ZNF717: variants seen among roughly 807,000 people sequenced by gnomAD.
The protein encoded by ZNF717 is krueppel-like factor X17.
Under a neutral mutation model 13.8 loss-of-function variants are expected in ZNF717, and 9 were observed. The observed-to-expected ratio is 0.65, with a 90% CI of 0.39 to 1.14. The LOEUF (loss-of-function observed/expected upper bound fraction) is 1.14, where lower values mean the gene tolerates loss of function less well. Among genes scored for constraint, ZNF717 ranks in the 50% most tolerant of loss-of-function variants. ZNF717 has a pLI of 0.01. For synonymous variants in ZNF717, 327 were observed against 364.1 expected (o/e 0.90, Z 1.16); for missense variants, 1,040 against 1,080.7 (o/e 0.96, Z 0.53).
intron 2 of ZNF717, among the ~76,000 whole-genome samples, chr3:75,754,191 T>C (rs940908973): frequency 3.3e-5 from 5 of 152,256 alleles, no homozygotes; most frequent in East Asian, 1.9e-4. Context: ...AATTACTCAG[T>C]CTAAAGTATT....
intron 5 of ZNF717, among the ~76,000 whole-genome samples, chr3:75,713,772 A>G (rs3009064): frequency 6.6e-6 from 1 of 151,818 alleles, no homozygotes; most frequent in Admixed American, 6.5e-5. Flanking sequence ...AAGAAAAGAC[A>G]GCTGGGCCCA....
At chr3:75,783,404 T>C (rs967549158) in intron 1 of ZNF717, 40 bp from the exon 2 acceptor site, 37 of 1,472,956 alleles carry the variant, frequency 2.5e-5, no homozygotes, top group Non-Finnish European at 3.2e-5. Flanking sequence ...AGGAGAGAAC[T>C]GGTGTGGTGT....
intron 4 of ZNF717, among the ~76,000 whole-genome samples, chr3:75,740,929 A>T (rs1414498606): frequency 6.7e-5 from 10 of 150,272 alleles, no homozygotes; most frequent in African/African-American, 2.0e-4. Context: ...CTTAAGATAC[A>T]TTCAAAGGAT....
intron 2 of ZNF717, among the ~76,000 whole-genome samples, chr3:75,782,704 C>T (rs770928113): frequency 7.0e-6 from 1 of 143,038 alleles, no homozygotes; most frequent in Admixed American, 7.0e-5. Context: ...ACACAACACA[C>T]TATGCTTTAG....
intron 2 of ZNF717, among the ~76,000 whole-genome samples, chr3:75,755,231 C>A (rs1942366120): frequency 6.6e-6 from 1 of 152,224 alleles, no homozygotes; most frequent in Non-Finnish European, 1.5e-5. Flanking sequence ...AGATATATAA[C>A]TGAAACCTGG....
chr3:75,777,174 A>G (rs1260016059), intron 2 of ZNF717, among the ~76,000 whole-genome samples: 1 of 152,282 alleles, frequency 6.6e-6, no homozygotes, highest in Non-Finnish European at 1.5e-5. Context: ...AGGACACTGT[A>G]ACCTATGAGT....
At chr3:75,762,035 C>G (rs1203652924) in intron 2 of ZNF717, among the ~76,000 whole-genome samples, 1 of 146,826 alleles carries the variant, frequency 6.8e-6, no homozygotes, top group Non-Finnish European at 1.5e-5. Context: ...GCCTAGGAAA[C>G]AGAGTGAGAC....
At chr3:75,741,210 T>C in intron 4 of ZNF717, 66 bp downstream of exon 4, 1 of 967,384 alleles carries the variant, frequency 1.0e-6, no homozygotes, top group Admixed American at 2.0e-5. Context: ...GAAAACAAGA[T>C]AACACTACAA....
chr3:75,776,208 T>C (rs1384486579), intron 2 of ZNF717, among the ~76,000 whole-genome samples: 1 of 152,270 alleles, frequency 6.6e-6, no homozygotes, highest in African/African-American at 2.4e-5. Context: ...TTGCATTCCA[T>C]AACTCATCAT....
chr3:75,707,836 G>A (rs1424702206), downstream of ZNF717, among the ~76,000 whole-genome samples: 49 of 152,298 alleles, frequency 3.2e-4, no homozygotes, highest in Admixed American at 9.8e-4. Context: ...CTACACCCAC[G>A]GAGTCCCGCT....
At chr3:75,734,423 G>GTTTT (rs1231102186), downstream of ZNF717, among the ~76,000 whole-genome samples, 2 of 36,612 alleles carry the variant, frequency 5.5e-5, no homozygotes, top group Non-Finnish European at 1.2e-4. Context: ...GGTAAAATGG[G>GTTTT]TTTTTTTTGT....
intron 4 of ZNF717, among the ~76,000 whole-genome samples, chr3:75,720,693 A>G (rs1391846397): frequency 6.6e-6 from 1 of 152,258 alleles, no homozygotes; most frequent in Non-Finnish European, 1.5e-5. Context: ...ACATAAAAAT[A>G]ATTATTAAGT....
chr3:75,734,533 T>C (rs1233341968), downstream of ZNF717, among the ~76,000 whole-genome samples: 1 of 150,294 alleles, frequency 6.7e-6, no homozygotes, highest in African/African-American at 2.4e-5. Flanking sequence ...TCCAGGTTCA[T>C]GCCATTCTCC....
chr3:75,762,544 C>T (rs1293198426), intron 2 of ZNF717, among the ~76,000 whole-genome samples: 1 of 150,552 alleles, frequency 6.6e-6, no homozygotes, highest in Non-Finnish European at 1.5e-5. Flanking sequence ...AACTACAAAA[C>T]ACTGTCGAAA....
At chr3:75,721,573 G>T (rs1325896055) in intron 4 of ZNF717, among the ~76,000 whole-genome samples, 5 of 152,118 alleles carry the variant, frequency 3.3e-5, no homozygotes, top group Admixed American at 6.5e-5. Context: ...GAGCCCCCAC[G>T]CCTGGCCTGA....
intron 2 of ZNF717, among the ~76,000 whole-genome samples, chr3:75,780,130 C>T (rs192195305): frequency 0.02 from 2,985 of 146,182 alleles, 46 homozygotes; most frequent in South Asian, 0.061. Context: ...ATGGGAGTGA[C>T]GTGCTAAAAC....
At chr3:75,777,971 G>A (rs1197885246) in intron 2 of ZNF717, among the ~76,000 whole-genome samples, 10 of 147,164 alleles carry the variant, frequency 6.8e-5, no homozygotes, top group African/African-American at 2.0e-4. Context: ...TGCTAAAACC[G>A]GAAACCAAAA....
intron 2 of ZNF717, among the ~76,000 whole-genome samples, chr3:75,780,528 A>G (rs1341219060): frequency 2.6e-5 from 4 of 152,176 alleles, no homozygotes; most frequent in Admixed American, 6.5e-5. Context: ...CAGCCTCCCA[A>G]GTAGCTGGGA....
chr3:75,748,699 A>G (rs1420675010), intron 2 of ZNF717, among the ~76,000 whole-genome samples: 3 of 152,172 alleles, frequency 2.0e-5, no homozygotes, highest in Non-Finnish European at 4.4e-5. Flanking sequence ...TCTAAAAATA[A>G]TAAGAGCTAT....
Sources: allele counts gnomAD v4.1 joint callset (sites outside exome capture counted in the v4.1 genomes callset), GRCh38; gene constraint gnomAD v4.1.1; transcripts MANE v1.5; gene names NCBI Gene and HGNC (gene_info 2026-07-23, HGNC 2026-07-21).